Variants in NRXN1 observed in about 807,000 individuals in gnomAD.
NRXN1 encodes neurexin 1, also known as neurexin-1.
Under a neutral mutation model 150.9 loss-of-function variants are expected in NRXN1, and 39 were observed. The ratio of observed to expected loss-of-function variants is 0.26; its 90% CI spans 0.20 to 0.34. The LOEUF (loss-of-function observed/expected upper bound fraction) is 0.34. Among genes scored for constraint, NRXN1 ranks in the 10% least tolerant of loss-of-function variants. NRXN1 has a pLI of 1.00. For synonymous variants in NRXN1, 924 were observed against 757.0 expected (o/e 1.22, Z -3.62); for missense variants, 1,815 against 1,949.9 (o/e 0.93, Z 1.30).
At chr2:50,150,336 T>TA (rs1286304099) in intron 18 of NRXN1, among the ~76,000 whole-genome samples, 1 of 151,806 alleles carries the variant, frequency 6.6e-6, no homozygotes, top group Non-Finnish European at 1.5e-5. Context: ...CACTAACACT[T>TA]ATAAAGACAG....
intron 5 of NRXN1, among the ~76,000 whole-genome samples, chr2:50,884,485 ATTAT>A (rs1679925351): frequency 6.6e-6 from 1 of 151,784 alleles, no homozygotes; most frequent in Admixed American, 6.6e-5. Flanking sequence ...TAAAAAATAA[ATTAT>A]TTAGTTTTGA....
chr2:50,380,343 G>A (rs899513145), intron 17 of NRXN1, among the ~76,000 whole-genome samples: 1 of 151,688 alleles, frequency 6.6e-6, no homozygotes, highest in African/African-American at 2.4e-5. Context: ...TCTTAACTCT[G>A]CTGATTATAC....
At chr2:50,063,364 T>C (rs892830582) in intron 19 of NRXN1, among the ~76,000 whole-genome samples, 47 of 152,172 alleles carry the variant, frequency 3.1e-4, no homozygotes, top group African/African-American at 1.1e-3. Context: ...AATACACATA[T>C]ATAATTGGCT....
chr2:50,110,536 A>G (rs1378509652), intron 18 of NRXN1, among the ~76,000 whole-genome samples: 1 of 151,752 alleles, frequency 6.6e-6, no homozygotes, highest in Non-Finnish European at 1.5e-5. Context: ...TTGAGAAAGC[A>G]AAGCATTAGT....
chr2:50,262,439 T>C (rs1281280089), intron 17 of NRXN1, among the ~76,000 whole-genome samples: 1 of 151,914 alleles, frequency 6.6e-6, no homozygotes. Context: ...TAGAACCTAG[T>C]TATGTAATTA....
intron 15 of NRXN1, among the ~76,000 whole-genome samples, chr2:50,495,161 T>A (rs2091494536): frequency 6.6e-6 from 1 of 152,098 alleles, no homozygotes; most frequent in Non-Finnish European, 1.5e-5. Flanking sequence ...TTAAATTAGA[T>A]GGGATACACA....
chr2:50,329,431 C>T (rs1223793823), intron 17 of NRXN1, among the ~76,000 whole-genome samples: 1 of 150,112 alleles, frequency 6.7e-6, no homozygotes, highest in Admixed American at 6.6e-5. Flanking sequence ...CTGGATAGTA[C>T]AGGAGGTAGT....
chr2:50,142,785 A>G (rs994284360), intron 18 of NRXN1, among the ~76,000 whole-genome samples: 4 of 151,906 alleles, frequency 2.6e-5, no homozygotes, highest in African/African-American at 9.7e-5. Flanking sequence ...ATTAAAAATC[A>G]AGATAGGTTG....
chr2:50,056,654 G>C (rs904548967), intron 19 of NRXN1, among the ~76,000 whole-genome samples: 1 of 151,868 alleles, frequency 6.6e-6, no homozygotes, highest in African/African-American at 2.4e-5. Context: ...GTTCTCTGTT[G>C]TGTGTTTGCA....
chr2:50,538,708 C>A, intron 9 of NRXN1, 72 bp from the exon 10 acceptor site: 1 of 1,275,998 alleles, frequency 7.8e-7, no homozygotes, highest in South Asian at 2.6e-5. Flanking sequence ...TTCTCTCTTT[C>A]GTCTGCTTGA....
intron 15 of NRXN1, among the ~76,000 whole-genome samples, chr2:50,481,222 C>T (rs1364419744): frequency 1.3e-5 from 2 of 152,166 alleles, no homozygotes; most frequent in East Asian, 3.9e-4. Context: ...CCAATATGTA[C>T]AGCTTCACTA....
At chr2:50,672,818 C>T (rs1689049577) in intron 5 of NRXN1, among the ~76,000 whole-genome samples, 1 of 151,960 alleles carries the variant, frequency 6.6e-6, no homozygotes, top group African/African-American at 2.4e-5. Context: ...TCCATGAGGT[C>T]CCTGCAATGG....
intron 17 of NRXN1, among the ~76,000 whole-genome samples, chr2:50,405,351 A>C (rs931746802): frequency 6.6e-6 from 1 of 152,140 alleles, no homozygotes; most frequent in African/African-American, 2.4e-5. Flanking sequence ...ATAAAATGCT[A>C]TTGCAAACAA....
chr2:50,664,446 C>G (rs1274284643), intron 5 of NRXN1, among the ~76,000 whole-genome samples: 18 of 94,158 alleles, frequency 1.9e-4, no homozygotes, highest in East Asian at 1.5e-3. Context: ...TGTGGCGTGG[C>G]GGGGGCGGGT....
chr2:50,178,966 T>C (rs2060523128), intron 18 of NRXN1, among the ~76,000 whole-genome samples: 1 of 152,108 alleles, frequency 6.6e-6, no homozygotes. Context: ...TAAAGAGAAA[T>C]ACCTAACAAT....
chr2:50,939,518 C>T (rs1425103746), intron 2 of NRXN1, among the ~76,000 whole-genome samples: 3 of 151,916 alleles, frequency 2.0e-5, no homozygotes, highest in African/African-American at 4.8e-5. Flanking sequence ...ATATTGAACA[C>T]AATTAGATTA....
At chr2:50,131,675 C>T (rs1705513685) in intron 18 of NRXN1, among the ~76,000 whole-genome samples, 1 of 152,156 alleles carries the variant, frequency 6.6e-6, no homozygotes, top group South Asian at 2.1e-4. Context: ...CAGCTATTTA[C>T]ATTTTGCTGA....
intron 5 of NRXN1, among the ~76,000 whole-genome samples, chr2:50,722,293 T>G (rs967826053): frequency 4.6e-5 from 7 of 151,944 alleles, no homozygotes; most frequent in Non-Finnish European, 8.8e-5. Flanking sequence ...AACATACAAT[T>G]CCCCATAATA....
intron 21 of NRXN1, chr2:49,974,276 G>C: frequency 1.7e-6 from 1 of 577,594 alleles, no homozygotes; most frequent in Non-Finnish European, 3.3e-6. Flanking sequence ...CTGCAGTTCC[G>C]TCTGCAGTTG....
Sources: gnomAD v4.1 joint callset for allele counts (sites outside exome capture counted in the v4.1 genomes callset) on GRCh38, gnomAD v4.1.1 for gene constraint, MANE v1.5 for transcripts, NCBI Gene and HGNC (gene_info 2026-07-23, HGNC 2026-07-21) for gene names.